The following CERS6 variants were observed in gnomAD, a reference collection of about 807,000 sequenced individuals.
CERS6 encodes the protein ceramide synthase 6.
Under a neutral mutation model 56.8 loss-of-function variants are expected in CERS6, and 26 were observed. That is an observed-to-expected ratio of 0.46 (90% CI 0.34 to 0.63). CERS6 has a LOEUF of 0.63. CERS6 is among the 30% of genes least tolerant of loss of function. CERS6 has a pLI of 0.01. For missense variants in CERS6, 415 were observed against 467.5 expected (o/e 0.89, Z 1.04); for synonymous variants, 164 against 173.3 (o/e 0.95, Z 0.42).
chr2:168,497,295 C>T (rs1694489933), intron 1 of CERS6, among the ~76,000 whole-genome samples: 1 of 152,068 alleles, frequency 6.6e-6, no homozygotes, highest in African/African-American at 2.4e-5. Flanking sequence ...ATTGACTGAG[C>T]ACCTTCTGTG....
chr2:168,621,905 G>C (rs887584721), intron 3 of CERS6, among the ~76,000 whole-genome samples: 1 of 152,178 alleles, frequency 6.6e-6, no homozygotes, highest in Non-Finnish European at 1.5e-5. Flanking sequence ...GAAAAGGATG[G>C]TTGGAATGAT....
chr2:168,576,117 G>A (rs905169049), intron 3 of CERS6, among the ~76,000 whole-genome samples: 1 of 152,068 alleles, frequency 6.6e-6, no homozygotes, highest in Admixed American at 6.5e-5. Flanking sequence ...AGGGACATCA[G>A]AGGAGAGCAA....
chr2:168,767,503 T>G (rs1283722115), intron 9 of CERS6, among the ~76,000 whole-genome samples: 1 of 152,264 alleles, frequency 6.6e-6, no homozygotes, highest in Non-Finnish European at 1.5e-5. Flanking sequence ...TTCAATTATC[T>G]TTAGCCATTT....
At chr2:168,530,962 T>C (rs977889195) in intron 1 of CERS6, among the ~76,000 whole-genome samples, 4 of 152,172 alleles carry the variant, frequency 2.6e-5, no homozygotes, top group African/African-American at 9.7e-5. Flanking sequence ...TGGTTATTTA[T>C]TAATAAAAGC....
intron 1 of CERS6, among the ~76,000 whole-genome samples, chr2:168,462,347 C>T (rs142142528): frequency 1.2e-3 from 180 of 152,134 alleles, no homozygotes; most frequent in Middle Eastern, 3.4e-3. Flanking sequence ...AGGATTGCCT[C>T]GTATAGCACA....
intron 4 of CERS6, among the ~76,000 whole-genome samples, chr2:168,682,742 C>G (rs1368668389): frequency 2.0e-5 from 3 of 152,208 alleles, no homozygotes; most frequent in African/African-American, 7.2e-5. Context: ...GAGACAGTTA[C>G]AAGATCCATG....
At position 168,657,788 on chromosome 2, in the gene CERS6, C is replaced by A. The variant is rs535837745; in HGVS notation, c.465+26746C>A. Among the ~76,000 whole-genome samples, 3 of 152,250 alleles carry A rather than the reference C, an allele frequency of 2.0e-5. No homozygotes were observed. In the South Asian group the frequency reaches 6.2e-4, roughly 31 times the overall value. On this transcript the variant is annotated intron_variant, in intron 4 of 9. Transcript: ENST00000305747. ...GGAACTCCAGCTGGCCCGCAAGCGC[C>A]GCACGCAGCCCCGGTTCCCGCTCGT... is the stretch of plus-strand genomic sequence containing the variant.
At chr2:168,649,059 A>G (rs1031391273) in intron 4 of CERS6, among the ~76,000 whole-genome samples, 2 of 151,952 alleles carry the variant, frequency 1.3e-5, no homozygotes, top group African/African-American at 4.8e-5. Flanking sequence ...AATAATTTTA[A>G]ATATACTTTA....
chr2:168,475,573 T>C (rs10179586), intron 1 of CERS6, among the ~76,000 whole-genome samples: 94,414 of 152,020 alleles, frequency 0.62, 29,950 homozygotes, highest in East Asian at 0.81. Flanking sequence ...GTATAAACAA[T>C]AAGGCTAGCA....
At chr2:168,475,477 A>G (rs1480479509) in intron 1 of CERS6, among the ~76,000 whole-genome samples, 1 of 152,168 alleles carries the variant, frequency 6.6e-6, no homozygotes, top group African/African-American at 2.4e-5. Context: ...TCTCATAAAA[A>G]TGTACAGCTT....
intron 4 of CERS6, among the ~76,000 whole-genome samples, chr2:168,662,656 C>T (rs777508027): frequency 4.6e-5 from 7 of 152,098 alleles, no homozygotes; most frequent in Admixed American, 1.3e-4. Flanking sequence ...CGCTTGAACC[C>T]GGGAGGCGGA....
intron 4 of CERS6, among the ~76,000 whole-genome samples, chr2:168,631,469 TATATAA>T (rs1684716290): frequency 8.0e-6 from 1 of 125,172 alleles, no homozygotes; most frequent in Non-Finnish European, 1.6e-5. Flanking sequence ...AAAAATATAA[TATATAA>T]TATATAATAT....
intron 8 of CERS6, among the ~76,000 whole-genome samples, chr2:168,745,387 G>A (rs829962): frequency 1 from 151,401 of 151,944 alleles, 75,429 homozygotes; most frequent in Middle Eastern, 1. Context: ...GACTACAGGC[G>A]CCCACCACCA....
At chr2:168,547,376 T>C (rs1695485431) in intron 1 of CERS6, among the ~76,000 whole-genome samples, 1 of 152,210 alleles carries the variant, frequency 6.6e-6, no homozygotes, top group Non-Finnish European at 1.5e-5. Context: ...TTTAAATGTT[T>C]TAAAAGGATT....
chr2:168,555,003 G>A (rs956648176), intron 2 of CERS6, among the ~76,000 whole-genome samples: 3 of 152,044 alleles, frequency 2.0e-5, no homozygotes, highest in South Asian at 2.1e-4. Flanking sequence ...CCTCTGAGGC[G>A]TGATAGAGTC....
At chr2:168,503,952 G>A (rs1263130480) in intron 1 of CERS6, among the ~76,000 whole-genome samples, 2 of 152,214 alleles carry the variant, frequency 1.3e-5, no homozygotes, top group African/African-American at 2.4e-5. Flanking sequence ...GAAAGGAAAA[G>A]AGAAGGGTCA....
intron 4 of CERS6, among the ~76,000 whole-genome samples, chr2:168,677,012 T>C (rs971812607): frequency 9.9e-5 from 15 of 151,592 alleles, no homozygotes; most frequent in African/African-American, 3.4e-4. Flanking sequence ...TTTTTTTTTT[T>C]TGGAGATTTT....
intron 2 of CERS6, among the ~76,000 whole-genome samples, chr2:168,552,353 C>CACAT (rs1695588578): frequency 2.6e-5 from 1 of 38,566 alleles, no homozygotes; most frequent in South Asian, 7.7e-4. Context: ...AGAGTATACA[C>CACAT]ACACACACAC....
Position 168,684,552 on chromosome 2 carries a change from A to G in CERS6, c.466-6482A>G, listed in dbSNP as rs1006668531. The stretch of plus-strand genomic sequence containing the variant: ...TGATTTATATTCATTTAAATTAATA[A>G]CACAGTTTCTTAAAAGAATCTTCAA... On this transcript the variant is annotated intron_variant, in intron 4 of 9. Transcript: ENST00000305747. Among the ~76,000 whole-genome samples the G allele has an allele frequency of 1.3e-4, 19 of 151,664 alleles. 1 individual carries two copies. Among genetic ancestry groups the G allele is most frequent in the Admixed American group, 4.6e-4 (7 of 15,268 alleles).
Sources: gnomAD v4.1 joint callset for allele counts (sites outside exome capture counted in the v4.1 genomes callset) on GRCh38, gnomAD v4.1.1 for gene constraint, MANE v1.5 for transcripts, NCBI Gene and HGNC (gene_info 2026-07-23, HGNC 2026-07-21) for gene names.